The following PPP6R2 variants were observed in gnomAD, a reference collection of about 807,000 sequenced individuals.
PPP6R2 encodes the protein serine/threonine-protein phosphatase 6 regulatory subunit 2.
Under a neutral mutation model 100.2 loss-of-function variants are expected in PPP6R2, and 62 were observed. The ratio of observed to expected loss-of-function variants is 0.62; its 90% CI spans 0.50 to 0.76. The LOEUF is 0.76. Among genes scored for constraint, PPP6R2 ranks in the 30% least tolerant of loss-of-function variants. The pLI is 0.00. For missense variants in PPP6R2, 1,142 were observed against 1,276.3 expected (o/e 0.89, Z 1.60); for synonymous variants, 525 against 514.7 (o/e 1.02, Z -0.27).
At chr22:50,437,982 G>C (rs1247490249) in intron 17 of PPP6R2, 82 bp downstream of exon 17, 1 of 1,550,784 alleles carries the variant, frequency 6.4e-7, no homozygotes, top group South Asian at 1.1e-5. Context: ...TCTGTCATGG[G>C]CCTGTGCGGT....
upstream of PPP6R2, among the ~76,000 whole-genome samples, chr22:50,340,094 T>TGG (rs1255767905): frequency 2.9e-5 from 4 of 138,862 alleles, no homozygotes; most frequent in East Asian, 2.3e-4. Flanking sequence ...GTGTGGTATG[T>TGG]AGTATGTGTG....
chr22:50,406,551 G>A (rs967563047), intron 3 of PPP6R2, 138 bp from the exon 4 acceptor site: 7 of 763,070 alleles, frequency 9.2e-6, no homozygotes, highest in Admixed American at 2.6e-5. Flanking sequence ...AGGTAGTCAC[G>A]TTTTTGTTCT....
chr22:50,386,439 C>A (rs78114507), intron 2 of PPP6R2, among the ~76,000 whole-genome samples: 6,195 of 152,242 alleles, frequency 0.041, 184 homozygotes, highest in South Asian at 0.075. Context: ...CTACGCCCGG[C>A]CTTAAGTTTT....
At chr22:50,339,199 T>TG (rs2042339830), upstream of PPP6R2, among the ~76,000 whole-genome samples, 3 of 111,992 alleles carry the variant, frequency 2.7e-5, no homozygotes, top group Admixed American at 1.8e-4. Context: ...TAGTGTGTGT[T>TG]GTATGTGGTG....
At chr22:50,356,952 C>A (rs1279512036) in intron 1 of PPP6R2, among the ~76,000 whole-genome samples, 1 of 151,628 alleles carries the variant, frequency 6.6e-6, no homozygotes, top group Non-Finnish European at 1.5e-5. Context: ...AACAAAAAAG[C>A]AAAAACAAAA....
At chr22:50,386,416 C>T (rs917133427) in intron 2 of PPP6R2, among the ~76,000 whole-genome samples, 1 of 152,172 alleles carries the variant, frequency 6.6e-6, no homozygotes, top group Non-Finnish European at 1.5e-5. Context: ...GCTGGGATTA[C>T]AGGTGTGAGC....
chr22:50,384,107 C>T (rs1308351934), intron 2 of PPP6R2, among the ~76,000 whole-genome samples: 4 of 150,752 alleles, frequency 2.7e-5, no homozygotes, highest in African/African-American at 9.7e-5. Flanking sequence ...TCCCTTCTTT[C>T]ATTCATTTAG....
At chr22:50,384,468 T>G (rs2053786998) in intron 2 of PPP6R2, among the ~76,000 whole-genome samples, 1 of 151,928 alleles carries the variant, frequency 6.6e-6, no homozygotes, top group Admixed American at 6.6e-5. Flanking sequence ...GGCAGGAGAA[T>G]CGCTTGAACT....
chr22:50,412,726 C>G (rs1471919146), intron 4 of PPP6R2, among the ~76,000 whole-genome samples: 1 of 137,922 alleles, frequency 7.3e-6, no homozygotes, highest in African/African-American at 2.8e-5. Context: ...ACTGCAAGCT[C>G]TGCCTCCTGG....
At chr22:50,416,635 CT>C (rs1261932763) in intron 6 of PPP6R2, among the ~76,000 whole-genome samples, 1 of 151,730 alleles carries the variant, frequency 6.6e-6, no homozygotes, top group Non-Finnish European at 1.5e-5. Context: ...CTGGCCTACA[CT>C]TTTTTTTCTT....
chr22:50,403,799 C>T (rs935789405), intron 3 of PPP6R2, among the ~76,000 whole-genome samples: 1 of 152,326 alleles, frequency 6.6e-6, no homozygotes, highest in Middle Eastern at 3.4e-3. Flanking sequence ...ACTTTCTTGT[C>T]TGGGCTGATG....
chr22:50,412,762 C>T (rs926843227), intron 4 of PPP6R2, among the ~76,000 whole-genome samples: 18 of 148,508 alleles, frequency 1.2e-4, no homozygotes, highest in African/African-American at 4.2e-4. Flanking sequence ...CTGCCTCAGC[C>T]TCCCGAGTAG....
chr22:50,353,064 A>G (rs2045674343), intron 1 of PPP6R2, among the ~76,000 whole-genome samples: 1 of 152,200 alleles, frequency 6.6e-6, no homozygotes. Flanking sequence ...ACCTGCCTCC[A>G]AACAGAAAGC....
intron 6 of PPP6R2, among the ~76,000 whole-genome samples, chr22:50,416,718 T>C (rs1205245086): frequency 6.6e-6 from 1 of 151,740 alleles, no homozygotes; most frequent in Non-Finnish European, 1.5e-5. Context: ...ATCCCAGCAC[T>C]TGGGGAGGCT....
At chr22:50,369,414 A>T (rs959052099) in intron 1 of PPP6R2, among the ~76,000 whole-genome samples, 2 of 152,116 alleles carry the variant, frequency 1.3e-5, no homozygotes, top group African/African-American at 4.8e-5. Flanking sequence ...GGCTACTGGC[A>T]CCACTTTGAG....
intron 2 of PPP6R2, among the ~76,000 whole-genome samples, chr22:50,383,959 C>G (rs1399286978): frequency 6.8e-6 from 1 of 147,896 alleles, no homozygotes; most frequent in Non-Finnish European, 1.5e-5. Flanking sequence ...TCGCTTCAAC[C>G]CGGGAGATGG....
At chr22:50,342,848 GA>G (rs1164919605), upstream of PPP6R2, among the ~76,000 whole-genome samples, 16 of 152,276 alleles carry the variant, frequency 1.1e-4, no homozygotes, top group East Asian at 3.1e-3. Flanking sequence ...GCGGGACGGG[GA>G]GGGGCCAGGC....
intron 4 of PPP6R2, among the ~76,000 whole-genome samples, chr22:50,409,424 A>G (rs1317093366): frequency 6.6e-6 from 1 of 151,718 alleles, no homozygotes; most frequent in East Asian, 1.9e-4. Context: ...TTTGATCATG[A>G]TGATGATGAT....
rs1172260878 is a variant in PPP6R2, at chr22:50,438,437, G to T, written c.1964+139G>T. 7.5e-6 allele frequency: 11 copies of T among 1,462,290 alleles called. No homozygotes were observed. The African/African-American group carries it at 1.4e-4, about 19-fold the overall frequency. The allele number at this position is 1,462,290 out of a possible 1,614,324, so 90.6% of individuals were successfully genotyped here. A position where few individuals can be genotyped will look rare whatever the true frequency, so the allele number is the denominator to read the frequency against. The stretch of plus-strand genomic sequence containing the variant: ...TGCCAGCTCTGGGGCCCAATGCAGC[G>T]GGTGACCCTAAGGAGCCCAGAGCTG... On this transcript the variant is annotated intron_variant, in intron 18 of 23. Coordinates refer to ENST00000612753, the MANE Select transcript of PPP6R2 (RefSeq NM_001242898.2).
Sources: allele counts gnomAD v4.1 joint callset (sites outside exome capture counted in the v4.1 genomes callset), GRCh38; gene constraint gnomAD v4.1.1; transcripts MANE v1.5; gene names NCBI Gene and HGNC (gene_info 2026-07-23, HGNC 2026-07-21).